The following TNS3 variants were observed in gnomAD, a reference collection of about 807,000 sequenced individuals.
The protein encoded by TNS3 is tensin-3.
TNS3 carries 45 observed loss-of-function variants against 140.9 expected under a neutral mutation model. The ratio of observed to expected loss-of-function variants is 0.32; its 90% confidence interval spans 0.25 to 0.41. The LOEUF is 0.41. Ranked by LOEUF, TNS3 falls within the 10% of genes least tolerant of loss-of-function variation. TNS3 has a pLI of 1.00. For synonymous variants in TNS3, 815 were observed against 788.4 expected (o/e 1.03, Z -0.56); for missense variants, 1,716 against 1,906.7 (o/e 0.90, Z 1.86).
chr7:47,287,950 G>A (rs1220074483), intron 27 of TNS3, among the ~76,000 whole-genome samples: 1 of 152,166 alleles, frequency 6.6e-6, no homozygotes, highest in African/African-American at 2.4e-5. Context: ...AGATGGAAGT[G>A]CACTTAAAAA....
At chr7:47,330,410 C>T (rs1454125140) in intron 20 of TNS3, among the ~76,000 whole-genome samples, 1 of 152,186 alleles carries the variant, frequency 6.6e-6, no homozygotes, top group Non-Finnish European at 1.5e-5. Flanking sequence ...TTCCACTTAC[C>T]CATCAGAAAA....
chr7:47,415,115 G>C lies in TNS3; in HGVS notation c.565C>G (p.Pro189Ala). 1 of 1,612,118 alleles carries C rather than the reference G, an allele frequency of 6.2e-7. No homozygotes were observed. The highest frequency in any genetic ancestry group is 2.2e-5 in the East Asian group (1 of 44,684). ...TCACCTCCACCTGTGTCGAAGTTGG[G>C]GGTGCCGTGGAGGATGACAAAATGC... Reference protein sequence around the residue: ...FLHFVILHGTPNFDTGGVCRP... With the variant: ...FLHFVILHGTANFDTGGVCRP... Residue 189 changes from proline to alanine, a missense_variant, in exon 11 of 31, where the codon CCC becomes GCC. Transcript: ENST00000311160.
chr7:47,569,553 TACATACATATTAC>T (rs1315153030), intron 1 of TNS3, among the ~76,000 whole-genome samples: 1 of 143,606 alleles, frequency 7.0e-6, no homozygotes. Flanking sequence ...CAAACACACA[TACATACATATTAC>T]ACAGGGACGG....
intron 12 of TNS3, among the ~76,000 whole-genome samples, chr7:47,412,296 A>T (rs1390365373): frequency 6.6e-6 from 1 of 152,238 alleles, no homozygotes; most frequent in Non-Finnish European, 1.5e-5. Context: ...AATGTGTACA[A>T]ATTTGGGGGA....
At chr7:47,371,096 G>A (rs1056073894) in intron 16 of TNS3, among the ~76,000 whole-genome samples, 9 of 152,198 alleles carry the variant, frequency 5.9e-5, no homozygotes, top group South Asian at 2.1e-4. Context: ...GTATGGGCCC[G>A]TCTGCAGTGG....
intron 17 of TNS3, among the ~76,000 whole-genome samples, chr7:47,359,485 CAATGCAA>C (rs1790197282): frequency 6.6e-6 from 1 of 152,100 alleles, no homozygotes; most frequent in Admixed American, 6.5e-5. Flanking sequence ...GGTTGCACAG[CAATGCAA>C]ATGTCCTTAC....
rs551847086 is a variant in TNS3, at chr7:47,452,958, C to T, written c.-75-10903G>A. The T allele has an allele frequency of 2.3e-4, 227 of 985,490 alleles. 1 individual carries two copies. The highest frequency in any genetic ancestry group is 1.1e-4 in the East Asian group (1 of 8,802). The allele number at this position is 985,490 out of a possible 1,614,324, so 61.0% of individuals were successfully genotyped here. A position where few individuals can be genotyped will look rare whatever the true frequency, so the allele number is the denominator to read the frequency against. ...TGTGCTGGGCCTGGGCAGGGACCAC[C>T]GGCCAGGGCTGCTTTTCCCTTCCAG... On this transcript the variant is annotated intron_variant, in intron 4 of 30. Transcript: ENST00000311160.
At chr7:47,549,224 G>T (rs1320400950) in intron 1 of TNS3, among the ~76,000 whole-genome samples, 1 of 152,148 alleles carries the variant, frequency 6.6e-6, no homozygotes, top group Non-Finnish European at 1.5e-5. Context: ...CAGGCGCGGT[G>T]GTTCACACCT....
At chr7:47,493,453 A>G (rs1170121554) in intron 3 of TNS3, among the ~76,000 whole-genome samples, 1 of 152,178 alleles carries the variant, frequency 6.6e-6, no homozygotes, top group African/African-American at 2.4e-5. Context: ...CCTGAAATAC[A>G]TTTTGGCAAG....
In TNS3 at chr7:47,510,022, G is replaced by A. The variant is rs146857056; in HGVS notation, c.-152-3078C>T. Among the ~76,000 whole-genome samples, 1,498 of 152,302 alleles carry A rather than the reference G, an allele frequency of 9.8e-3. 22 individuals are homozygous for A. Among genetic ancestry groups the A allele is most frequent in the African/African-American group, 0.034 (1,411 of 41,542 alleles). ...GCACCTAAAAGTTTGAACTGCATGCGTATTGCCAAATTTCCACCACACCCT... is the reference window on the plus strand; with the variant it reads ...GCACCTAAAAGTTTGAACTGCATGCATATTGCCAAATTTCCACCACACCCT... On this transcript the variant is annotated intron_variant, in intron 2 of 30. Transcript: ENST00000311160.
At chr7:47,550,916 C>A (rs1372950233) in intron 1 of TNS3, among the ~76,000 whole-genome samples, 2 of 152,172 alleles carry the variant, frequency 1.3e-5, no homozygotes, top group Non-Finnish European at 2.9e-5. Context: ...AACAGTCTTA[C>A]CCCACTCCTG....
chr7:47,484,949 C>A (rs965036108), intron 3 of TNS3, among the ~76,000 whole-genome samples: 2 of 152,196 alleles, frequency 1.3e-5, no homozygotes, highest in African/African-American at 4.8e-5. Context: ...TCTTAACATG[C>A]CAGTCTGACT....
chr7:47,451,728 C>CCA (rs1473580397), intron 4 of TNS3, among the ~76,000 whole-genome samples: 1 of 152,246 alleles, frequency 6.6e-6, no homozygotes, highest in African/African-American at 2.4e-5. Context: ...GGCTGAGACA[C>CCA]CTCTGCACAT....
intron 3 of TNS3, among the ~76,000 whole-genome samples, chr7:47,501,177 G>A (rs1333502434): frequency 6.6e-5 from 1 of 15,184 alleles, no homozygotes; most frequent in Admixed American, 1.1e-3. Context: ...AGGAAGAGAG[G>A]AAGGAAGGAA....
At chr7:47,485,677 G>A (rs1012830679) in intron 3 of TNS3, among the ~76,000 whole-genome samples, 1 of 152,342 alleles carries the variant, frequency 6.6e-6, no homozygotes, top group Non-Finnish European at 1.5e-5. Flanking sequence ...GGAGGCGAGG[G>A]CCCCTCTGAG....
At chr7:47,461,667 A>G (rs1796497274) in intron 4 of TNS3, among the ~76,000 whole-genome samples, 1 of 152,244 alleles carries the variant, frequency 6.6e-6, no homozygotes, top group African/African-American at 2.4e-5. Context: ...AGCTGACCAA[A>G]TGACCACTGC....
intron 4 of TNS3, chr7:47,453,139 C>G: frequency 1.0e-6 from 1 of 985,640 alleles, no homozygotes; most frequent in South Asian, 4.7e-5. Context: ...AGAACCACAG[C>G]CAGGAGCAGC....
At chr7:47,371,981 A>G (rs1791099490) in intron 16 of TNS3, among the ~76,000 whole-genome samples, 1 of 152,218 alleles carries the variant, frequency 6.6e-6, no homozygotes, top group African/African-American at 2.4e-5. Flanking sequence ...CACACGGGTG[A>G]GTGTCTTTAT....
intron 25 of TNS3, 48 bp from the exon 26 acceptor site, chr7:47,292,953 G>A (rs757897432): frequency 2.7e-5 from 42 of 1,558,106 alleles, no homozygotes; most frequent in Non-Finnish European, 3.6e-5. Context: ...TGCTGTAGAT[G>A]TTGTGTGCTC....
Sources: allele counts gnomAD v4.1 joint callset (sites outside exome capture counted in the v4.1 genomes callset), GRCh38; gene constraint gnomAD v4.1.1; transcripts MANE v1.5; gene names NCBI Gene and HGNC (gene_info 2026-07-23, HGNC 2026-07-21).